DNAH3: variants seen among roughly 807,000 people sequenced by gnomAD.
DNAH3 encodes the protein dynein axonemal heavy chain 3, also known as axonemal beta dynein heavy chain 3.
A neutral mutation model predicts 432.5 loss-of-function variants in DNAH3; 332 were observed. That is an observed-to-expected ratio of 0.77 (90% confidence interval 0.70 to 0.84). DNAH3 has a LOEUF of 0.84. Ranked by LOEUF, DNAH3 falls within the 40% of genes least tolerant of loss-of-function variation. The probability of loss-of-function intolerance (pLI) is 0.00; values close to 1 mark genes in which losing one functional copy is unlikely to be tolerated. For synonymous variants in DNAH3, 1,956 were observed against 1,900.2 expected (o/e 1.03, Z -0.76); for missense variants, 4,861 against 5,114.0 (o/e 0.95, Z 1.51).
At position 21,050,018 on chromosome 16, in the gene DNAH3, C is replaced by T. The variant is rs2089886765; in HGVS notation, c.4239G>A (p.Arg1413=). 1.9e-6 allele frequency: 3 copies of T among 1,610,920 alleles called. No homozygotes were observed. The South Asian group carries it at 3.3e-5, about 18-fold the overall frequency. Reference sequence around the variant, plus strand: ...TCAGCTTCAAAGCTCCCATCAGTGTCCTATGGGGAAGAAAATAGAACTTCA... The same window carrying T: ...TCAGCTTCAAAGCTCCCATCAGTGTTCTATGGGGAAGAAAATAGAACTTCA... The change falls in exon 30 of 62, where the codon AGG becomes AGA. Residue 1413 remains arginine (R), a splice_region_variant and synonymous_variant. Transcript: ENST00000261383.
At chr16:21,066,443 CT>C (rs1340903724) in intron 24 of DNAH3, among the ~76,000 whole-genome samples, 1 of 152,150 alleles carries the variant, frequency 6.6e-6, no homozygotes, top group Non-Finnish European at 1.5e-5. Flanking sequence ...TCTTGGCTCA[CT>C]GCAACCTCTG....
At chr16:21,038,340 C>T (rs1417738754) in intron 33 of DNAH3, among the ~76,000 whole-genome samples, 1 of 152,052 alleles carries the variant, frequency 6.6e-6, no homozygotes, top group Admixed American at 6.6e-5. Context: ...CATAGCGAGG[C>T]TCTATCTCTA....
At chr16:21,058,320 G>A in intron 26 of DNAH3, 124 bp from the exon 27 acceptor site, 7 of 553,144 alleles carry the variant, frequency 1.3e-5, no homozygotes, top group Admixed American at 6.4e-5. Context: ...ATCCTCAGAC[G>A]CTACAAGGCT....
intron 21 of DNAH3, 57 bp from the exon 22 acceptor site, chr16:21,070,883 T>A: frequency 8.8e-7 from 1 of 1,139,942 alleles, no homozygotes; most frequent in Non-Finnish European, 1.3e-6. Flanking sequence ...ATTTTTCTTT[T>A]CCTTTTTTAA....
chr16:21,087,643 T>C (rs1370641750), intron 18 of DNAH3, among the ~76,000 whole-genome samples: 1 of 152,076 alleles, frequency 6.6e-6, no homozygotes, highest in African/African-American at 2.4e-5. Flanking sequence ...GAAAGGTGAA[T>C]GGAGATATGA....
chr16:21,014,314 T>C (rs2087757334), intron 41 of DNAH3, among the ~76,000 whole-genome samples: 1 of 152,226 alleles, frequency 6.6e-6, no homozygotes, highest in Non-Finnish European at 1.5e-5. Context: ...TGAAAATCAA[T>C]TAGTGTAATT....
At chr16:21,031,924 A>C (rs537323645) in intron 36 of DNAH3, among the ~76,000 whole-genome samples, 1 of 152,200 alleles carries the variant, frequency 6.6e-6, no homozygotes, top group South Asian at 2.1e-4. Flanking sequence ...GCCATTCGCC[A>C]CTTGGGAAGC....
intron 12 of DNAH3, among the ~76,000 whole-genome samples, chr16:21,112,631 C>T (rs1298473348): frequency 2.6e-5 from 4 of 152,112 alleles, no homozygotes; most frequent in South Asian, 2.1e-4. Context: ...TCCCACAACA[C>T]GTGGGAATTC....
At chr16:21,135,958 A>C (rs2092636484) in intron 6 of DNAH3, among the ~76,000 whole-genome samples, 1 of 140,890 alleles carries the variant, frequency 7.1e-6, no homozygotes, top group South Asian at 2.3e-4. Context: ...CGCAATCTGC[A>C]TTTTAAGATC....
chr16:20,961,520 T>A (rs1321610271), intron 53 of DNAH3, among the ~76,000 whole-genome samples: 1 of 128,950 alleles, frequency 7.8e-6, no homozygotes, highest in Non-Finnish European at 1.7e-5. Flanking sequence ...AATAAAAAAA[T>A]AAAATAAAAT....
At chr16:21,046,964 G>A (rs2089728365) in intron 31 of DNAH3, among the ~76,000 whole-genome samples, 1 of 151,308 alleles carries the variant, frequency 6.6e-6, no homozygotes, top group South Asian at 2.1e-4. Flanking sequence ...TGAAATTCTG[G>A]GTTGAAAATT....
intron 52 of DNAH3, among the ~76,000 whole-genome samples, chr16:20,968,859 TGGTC>T (rs1211796210): frequency 6.6e-6 from 1 of 151,778 alleles, no homozygotes; most frequent in Admixed American, 6.6e-5. Flanking sequence ...CTCTTCTCTC[TGGTC>T]TCTTTTCTTC....
At chr16:21,012,550 G>A (rs1309336887) in intron 41 of DNAH3, among the ~76,000 whole-genome samples, 3 of 152,016 alleles carry the variant, frequency 2.0e-5, no homozygotes, top group Non-Finnish European at 2.9e-5. Context: ...TATCACAGTC[G>A]GATACTTCAA....
rs554163306 is a variant in DNAH3 at position 21,085,831 on chromosome 16, G to A, written c.2877+1018C>T. Among the ~76,000 whole-genome samples, 22 of 152,052 alleles carry A rather than the reference G, an allele frequency of 1.4e-4. No homozygotes were observed. The South Asian group carries it at 3.3e-3, about 23-fold the overall frequency. ...TACCCAGGCTGGAGTGCAGTGACAC[G>A]ATCATGGCTCAATGCAGCCTTGACA... On this transcript the variant is annotated intron_variant, in intron 19 of 61. Transcript: ENST00000261383.
At chr16:21,092,588 G>A (rs1370439411) in intron 18 of DNAH3, among the ~76,000 whole-genome samples, 1 of 148,320 alleles carries the variant, frequency 6.7e-6, no homozygotes, top group Non-Finnish European at 1.5e-5. Context: ...TTACAACACA[G>A]AAGGCACAAC....
chr16:21,129,863 C>G (rs2092521827), intron 7 of DNAH3: 1 of 152,062 alleles, frequency 6.6e-6, no homozygotes, highest in Non-Finnish European at 1.5e-5. Context: ...CAGCCCCACA[C>G]AAACCACACT....
chr16:20,963,292 G>T (rs140740266), exon 53 of DNAH3: 1 of 1,613,146 alleles, frequency 6.2e-7, no homozygotes, highest in Admixed American at 1.7e-5. Context: ...ACCTGCCATT[G>T]GGTCTGCACT....
chr16:21,021,795 C>A (rs746364111), intron 40 of DNAH3, among the ~76,000 whole-genome samples, 176 bp downstream of exon 40: 1 of 151,654 alleles, frequency 6.6e-6, no homozygotes, highest in Admixed American at 6.6e-5. Flanking sequence ...CCCAGCTACT[C>A]GGGAGGCTGA....
In DNAH3 at chr16:20,970,671, G is replaced by A. The variant is rs2085297638; in HGVS notation, c.8260-681C>T. Among the ~76,000 whole-genome samples the A allele has an allele frequency of 2.0e-5, 3 of 152,144 alleles. No individual in the cohort carries two copies. The South Asian group carries it at 6.2e-4, about 31-fold the overall frequency. ...TTTGAGAGGTATGGAGTTCAGTGCA[G>A]TGTGACGAAATGTAATCAGATCACA... On this transcript the variant is annotated intron_variant, in intron 51 of 61. Coordinates refer to ENST00000261383, the Ensembl canonical transcript of DNAH3.
Sources: allele counts gnomAD v4.1 joint callset (sites outside exome capture counted in the v4.1 genomes callset), GRCh38; gene constraint gnomAD v4.1.1; transcripts MANE v1.5; gene names NCBI Gene and HGNC (gene_info 2026-07-23, HGNC 2026-07-21).